CHST11: variants seen among roughly 807,000 people sequenced by gnomAD.
The protein encoded by CHST11 is C4S-1.
In CHST11, 9 loss-of-function variants were observed where a neutral mutation model predicts 30.4. That is an observed-to-expected ratio of 0.30 (90% CI 0.18 to 0.52). The LOEUF (loss-of-function observed/expected upper bound fraction) is 0.52. Ranked by LOEUF, CHST11 falls within the 20% of genes least tolerant of loss-of-function variation. The pLI, the probability that CHST11 is intolerant of heterozygous loss-of-function variation, is 0.97. For missense variants in CHST11, 348 were observed against 460.6 expected, an observed-to-expected ratio of 0.76 and a Z score of 2.24; for synonymous variants, 152 against 187.8, an observed-to-expected ratio of 0.81 and a Z score of 1.56.
At chr12:104,553,299 G>T (rs1277589563) in intron 1 of CHST11, 2 of 152,176 alleles carry the variant, frequency 1.3e-5, no homozygotes, top group Non-Finnish European at 2.9e-5. Context: ...TTCAGGGAGG[G>T]CTTCACATAC....
intron 1 of CHST11, among the ~76,000 whole-genome samples, chr12:104,475,936 CTTATA>C (rs2037556355): frequency 7.0e-6 from 1 of 142,260 alleles, no homozygotes; most frequent in African/African-American, 2.6e-5. Context: ...AAGCGGGTCC[CTTATA>C]TTATATATAT....
intron 1 of CHST11, among the ~76,000 whole-genome samples, chr12:104,497,619 G>T (rs11112082): frequency 0.054 from 8,268 of 152,150 alleles, 460 homozygotes; most frequent in African/African-American, 0.14. Flanking sequence ...CTGTTTCCTT[G>T]GTGGTTTCTT....
chr12:104,673,629 A>G (rs981569241), intron 2 of CHST11, among the ~76,000 whole-genome samples: 1 of 152,226 alleles, frequency 6.6e-6, no homozygotes, highest in Non-Finnish European at 1.5e-5. Context: ...TCATCATGGC[A>G]TCATAATCAT....
At chr12:104,559,804 TG>T (rs1295606123) in intron 1 of CHST11, among the ~76,000 whole-genome samples, 1 of 152,102 alleles carries the variant, frequency 6.6e-6, no homozygotes, top group Non-Finnish European at 1.5e-5. Context: ...TAACATAATT[TG>T]GGGTAATGAA....
At chr12:104,661,343 A>G (rs200165891) in intron 2 of CHST11, among the ~76,000 whole-genome samples, 1 of 152,080 alleles carries the variant, frequency 6.6e-6, no homozygotes, top group African/African-American at 2.4e-5. Context: ...CCTTAAGCCC[A>G]GGAGTTCAAG....
intron 1 of CHST11, among the ~76,000 whole-genome samples, chr12:104,516,212 A>C (rs2038021046): frequency 6.6e-6 from 1 of 152,166 alleles, no homozygotes; most frequent in African/African-American, 2.4e-5. Flanking sequence ...GATAACCAAA[A>C]ATGTCTCCAA....
chr12:104,609,964 AT>A, intron 2 of CHST11, among the ~76,000 whole-genome samples: 1 of 151,796 alleles, frequency 6.6e-6, no homozygotes, highest in South Asian at 2.1e-4. Context: ...CTTCCTAACA[AT>A]TTTGATTTAT....
intron 2 of CHST11, among the ~76,000 whole-genome samples, chr12:104,707,907 CAT>C (rs1392604886): frequency 1.1e-4 from 16 of 152,250 alleles, no homozygotes; most frequent in Non-Finnish European, 1.6e-4. Flanking sequence ...TACAAACACA[CAT>C]GTGCACATAG....
At position 104,626,721 on chromosome 12, in the gene CHST11, G is replaced by A. The variant is rs1046511247; in HGVS notation, c.204+24730G>A. Reference sequence around the variant, plus strand: ...GATTTTTTTTTTTAGAGCAGTTTTAGGTTCATGGCAAAATCGAGCAGAAGG... The same window carrying A: ...GATTTTTTTTTTTAGAGCAGTTTTAAGTTCATGGCAAAATCGAGCAGAAGG... On this transcript the variant is annotated intron_variant, in intron 2 of 2. Coordinates refer to ENST00000303694, the MANE Select transcript of CHST11 (RefSeq NM_018413.6). Among the ~76,000 whole-genome samples, 51 of 151,794 alleles carry A rather than the reference G, an allele frequency of 3.4e-4. 1 individual carries two copies. Among genetic ancestry groups the A allele is most frequent in the South Asian group, 1.7e-3 (8 of 4,798 alleles).
At chr12:104,495,432 T>C (rs2037790247) in intron 1 of CHST11, among the ~76,000 whole-genome samples, 1 of 152,222 alleles carries the variant, frequency 6.6e-6, no homozygotes, top group African/African-American at 2.4e-5. Flanking sequence ...TTTATATTCC[T>C]ACCAACAGTA....
chr12:104,722,411 T>G (rs2040184823), intron 2 of CHST11, among the ~76,000 whole-genome samples: 1 of 152,166 alleles, frequency 6.6e-6, no homozygotes, highest in Non-Finnish European at 1.5e-5. Flanking sequence ...ATGCCCAAAC[T>G]CAGCACTGCC....
At chr12:104,492,201 G>A (rs147424340) in intron 1 of CHST11, among the ~76,000 whole-genome samples, 137 of 152,094 alleles carry the variant, frequency 9.0e-4, no homozygotes, top group African/African-American at 2.4e-3. Flanking sequence ...GGTTCATGCC[G>A]TTCTCCTGCC....
At chr12:104,704,405 C>T (rs1295719349) in intron 2 of CHST11, among the ~76,000 whole-genome samples, 2 of 152,204 alleles carry the variant, frequency 1.3e-5, no homozygotes, top group African/African-American at 2.4e-5. Context: ...AGCCGGGCAG[C>T]AGCCCCTGCA....
Position 104,679,512 on chromosome 12 carries a change from G to A in CHST11, c.205-77437G>A, listed in dbSNP as rs547973765. Among the ~76,000 whole-genome samples the A allele has an allele frequency of 3.7e-4, 56 of 152,264 alleles. 1 individual carries two copies. In the South Asian group the frequency reaches 0.011, roughly 31 times the overall value. On this transcript the variant is annotated intron_variant, in intron 2 of 2. Coordinates refer to ENST00000303694, the MANE Select transcript of CHST11 (RefSeq NM_018413.6). ...CTTCTTTGACCTCCGCCCCGTGTGT[G>A]GTTTGAGAAGGAAGAGTTGGGAATG...
At chr12:104,467,481 T>C (rs943770760) in intron 1 of CHST11, among the ~76,000 whole-genome samples, 17 of 152,332 alleles carry the variant, frequency 1.1e-4, no homozygotes, top group African/African-American at 3.8e-4. Flanking sequence ...AAAAGTACAG[T>C]GTTAACCTGG....
intron 2 of CHST11, among the ~76,000 whole-genome samples, chr12:104,657,601 A>G (rs1056873056): frequency 2.6e-5 from 4 of 152,098 alleles, no homozygotes; most frequent in Non-Finnish European, 5.9e-5. Flanking sequence ...GAAATAATGC[A>G]TGTTCCATTT....
chr12:104,534,965 T>A (rs1028700611), intron 1 of CHST11, among the ~76,000 whole-genome samples: 42 of 152,204 alleles, frequency 2.8e-4, no homozygotes, highest in Non-Finnish European at 5.6e-4. Context: ...ATACATTTTT[T>A]AAAAAGTAGC....
intron 2 of CHST11, among the ~76,000 whole-genome samples, chr12:104,656,536 G>A (rs1438099752): frequency 6.6e-6 from 1 of 152,152 alleles, no homozygotes; most frequent in African/African-American, 2.4e-5. Flanking sequence ...GCCAACTATG[G>A]CATGCTGGCA....
intron 1 of CHST11, among the ~76,000 whole-genome samples, chr12:104,596,742 G>T (rs1246928883): frequency 6.6e-6 from 1 of 152,194 alleles, no homozygotes; most frequent in Admixed American, 6.5e-5. Context: ...GCTGAGCATT[G>T]TGTCAGGCAT....
Sources: allele counts gnomAD v4.1 joint callset (sites outside exome capture counted in the v4.1 genomes callset), GRCh38; gene constraint gnomAD v4.1.1; transcripts MANE v1.5; gene names NCBI Gene and HGNC (gene_info 2026-07-23, HGNC 2026-07-21).